DDR2: variants seen among roughly 807,000 people sequenced by gnomAD.
DDR2 encodes the protein discoidin domain receptor tyrosine kinase 2.
A neutral mutation model predicts 94.9 loss-of-function variants in DDR2; 27 were observed. The observed-to-expected ratio is 0.28, with a 90% CI of 0.21 to 0.39. DDR2 has a LOEUF of 0.39. DDR2 is among the 10% of genes least tolerant of loss of function. The pLI is 1.00. For missense variants in DDR2, 783 were observed against 1,076.0 expected (o/e 0.73, Z 3.81); for synonymous variants, 382 against 377.2 (o/e 1.01, Z -0.15).
At chr1:162,656,089 A>G (rs1215357785) in intron 2 of DDR2, among the ~76,000 whole-genome samples, 1 of 152,192 alleles carries the variant, frequency 6.6e-6, no homozygotes, top group African/African-American at 2.4e-5. Context: ...GGGACTTCTC[A>G]GTTCATCCTT....
chr1:162,692,841 G>A (rs1660018238), intron 2 of DDR2, among the ~76,000 whole-genome samples: 1 of 152,192 alleles, frequency 6.6e-6, no homozygotes, highest in Non-Finnish European at 1.5e-5. Flanking sequence ...CAATGAAAAT[G>A]TATATCCATA....
intron 7 of DDR2, among the ~76,000 whole-genome samples, chr1:162,759,177 T>C (rs931825030): frequency 2.6e-5 from 4 of 152,178 alleles, no homozygotes; most frequent in Non-Finnish European, 5.9e-5. Context: ...ATAGAAATTA[T>C]TATTTAAATT....
intron 2 of DDR2, among the ~76,000 whole-genome samples, chr1:162,659,051 T>C (rs1658163323): frequency 6.6e-6 from 1 of 152,096 alleles, no homozygotes; most frequent in South Asian, 2.1e-4. Flanking sequence ...CTGTGGACAA[T>C]ATTTTTATTT....
At chr1:162,732,836 A>G (rs1458902294) in intron 3 of DDR2, among the ~76,000 whole-genome samples, 1 of 152,240 alleles carries the variant, frequency 6.6e-6, no homozygotes, top group Non-Finnish European at 1.5e-5. Flanking sequence ...TGGAACAAGC[A>G]GCCCTTTCAG....
chr1:162,703,732 G>A (rs1660532139), intron 2 of DDR2, among the ~76,000 whole-genome samples: 1 of 152,198 alleles, frequency 6.6e-6, no homozygotes, highest in Admixed American at 6.5e-5. Flanking sequence ...AGGAGGTGCT[G>A]AAGTCACATA....
In DDR2 at chr1:162,767,714, C is replaced by T. The variant is rs115676036; in HGVS notation, c.1293+355C>T. The stretch of plus-strand genomic sequence containing the variant: ...TTAACAAGTGCTTCTGATGCACATT[C>T]GAGGTTAAGAATTACTCTCCTAATG... On this transcript the variant is annotated intron_variant, in intron 11 of 17. Coordinates refer to ENST00000367921, the MANE Select transcript of DDR2 (RefSeq NM_006182.4). Among the ~76,000 whole-genome samples the T allele has an allele frequency of 5.9e-4, 90 of 152,134 alleles. 1 individual carries two copies. Among genetic ancestry groups the T allele is most frequent in the African/African-American group, 1.9e-3 (80 of 41,504 alleles).
chr1:162,644,962 A>G (rs537303338), intron 1 of DDR2, among the ~76,000 whole-genome samples: 8 of 152,318 alleles, frequency 5.3e-5, no homozygotes, highest in Non-Finnish European at 1.0e-4. Flanking sequence ...TCTCACTTGC[A>G]AAGAAGAGGA....
Position 162,747,302 on chromosome 1 carries a change from T to C in DDR2, c.83-5793T>C, listed in dbSNP as rs147217330. Among the ~76,000 whole-genome samples the C allele has an allele frequency of 2.8e-3, 433 of 152,168 alleles. 1 individual carries two copies. Among genetic ancestry groups the C allele is most frequent in the African/African-American group, 9.6e-3 (398 of 41,508 alleles). On this transcript the variant is annotated intron_variant, in intron 3 of 17. Transcript: ENST00000367921. ...AGATTAGACGAATGGCTAACTAGAA[T>C]AAACAGTGTAGAGAAGACCTTAAGT...
chr1:162,735,820 T>C (rs1240418270), intron 3 of DDR2, among the ~76,000 whole-genome samples: 1 of 152,252 alleles, frequency 6.6e-6, no homozygotes, highest in African/African-American at 2.4e-5. Context: ...ATAAAACTCC[T>C]TAGTTGCCAT....
intron 1 of DDR2, among the ~76,000 whole-genome samples, chr1:162,649,821 G>T (rs1316175286): frequency 6.6e-6 from 1 of 152,196 alleles, no homozygotes; most frequent in African/African-American, 2.4e-5. Context: ...CAGTTGCTAA[G>T]CAACACTAAT....
chr1:162,632,018 G>T (rs536230986), upstream of DDR2: 3 of 152,014 alleles, frequency 2.0e-5, no homozygotes, highest in African/African-American at 7.2e-5. Context: ...TCAGCTCCGC[G>T]TGTGTGCCCC....
chr1:162,721,860 AT>A (rs1365998638), intron 3 of DDR2, among the ~76,000 whole-genome samples: 3 of 152,214 alleles, frequency 2.0e-5, no homozygotes, highest in Non-Finnish European at 4.4e-5. Flanking sequence ...GCTATAACAT[AT>A]TGGTTGGTTA....
chr1:162,725,656 C>T (rs1017853206), intron 3 of DDR2, among the ~76,000 whole-genome samples: 5 of 152,168 alleles, frequency 3.3e-5, no homozygotes, highest in South Asian at 2.1e-4. Flanking sequence ...CCACCACACC[C>T]GGCCACAAGC....
At chr1:162,640,081 GC>G (rs1234123344) in intron 1 of DDR2, among the ~76,000 whole-genome samples, 2 of 150,508 alleles carry the variant, frequency 1.3e-5, no homozygotes, top group Non-Finnish European at 3.0e-5. Flanking sequence ...TTGCTCTGTC[GC>G]CCAGGCTGGA....
chr1:162,661,108 A>T (rs1015762141), intron 2 of DDR2, among the ~76,000 whole-genome samples: 7 of 152,182 alleles, frequency 4.6e-5, no homozygotes, highest in African/African-American at 1.2e-4. Flanking sequence ...GCAACCCACA[A>T]AGGGTCTTGA....
rs191037278 is a variant in DDR2 at position 162,752,966 on chromosome 1, A to G, written c.83-129A>G. On this transcript the variant is annotated intron_variant, in intron 3 of 17. Transcript: ENST00000367921. ...GAGTCAGGGTGATCAAACTGGGGCC[A>G]TAGAGGAATTTAGGAAGATGTAAAT... 4,171 of 779,086 alleles carry G rather than the reference A, an allele frequency of 5.4e-3. 26 individuals are homozygous for G. Among genetic ancestry groups the G allele is most frequent in the Non-Finnish European group, 6.0e-3 (2,795 of 468,132 alleles). 48.3% of individuals were successfully genotyped at this position (779,086 alleles called of 1,614,324 possible).
intron 4 of DDR2, among the ~76,000 whole-genome samples, chr1:162,754,135 C>T (rs1346251106): frequency 3.3e-5 from 5 of 152,306 alleles, no homozygotes; most frequent in African/African-American, 9.6e-5. Context: ...CCCCCTCATC[C>T]TCCCCATGTG....
intron 2 of DDR2, among the ~76,000 whole-genome samples, chr1:162,712,066 C>T (rs1660940727): frequency 1.3e-5 from 2 of 151,760 alleles, no homozygotes; most frequent in Admixed American, 1.3e-4. Flanking sequence ...GCACTTATCT[C>T]CCAAGGTTCC....
intron 7 of DDR2, among the ~76,000 whole-genome samples, chr1:162,758,982 C>A (rs1320825486): frequency 6.6e-6 from 1 of 152,106 alleles, no homozygotes; most frequent in African/African-American, 2.4e-5. Flanking sequence ...AGCATACATG[C>A]AGTTATATTC....
Sources: gnomAD v4.1 joint callset for allele counts (sites outside exome capture counted in the v4.1 genomes callset) on GRCh38, gnomAD v4.1.1 for gene constraint, MANE v1.5 for transcripts, NCBI Gene and HGNC (gene_info 2026-07-23, HGNC 2026-07-21) for gene names.